Variants in MITF observed in about 807,000 individuals in gnomAD.
The protein encoded by MITF is melanocyte inducing transcription factor.
MITF carries 17 observed loss-of-function variants against 60.5 expected under a neutral mutation model. The observed-to-expected ratio is 0.28, with a 90% CI of 0.19 to 0.42. The LOEUF (loss-of-function observed/expected upper bound fraction) is 0.42. MITF is among the 10% of genes least tolerant of loss of function. MITF has a pLI of 1.00. For missense variants in MITF, 622 were observed against 683.5 expected (o/e 0.91, Z 1.00); for synonymous variants, 260 against 248.5 (o/e 1.05, Z -0.43).
At chr3:69,953,670 G>T (rs930389177) in intron 7 of MITF, among the ~76,000 whole-genome samples, 254 of 143,148 alleles carry the variant, frequency 1.8e-3, no homozygotes, top group Middle Eastern at 7.4e-3. Flanking sequence ...TATAGAGAGA[G>T]AGAGAGAGAG....
At chr3:69,814,384 A>T (rs1252637626) in intron 1 of MITF, among the ~76,000 whole-genome samples, 1 of 152,120 alleles carries the variant, frequency 6.6e-6, no homozygotes, top group Non-Finnish European at 1.5e-5. Flanking sequence ...GACGGCGTGC[A>T]GTGGTGTAAT....
At chr3:69,903,711 T>C (rs1233929940) in intron 2 of MITF, among the ~76,000 whole-genome samples, 1 of 152,150 alleles carries the variant, frequency 6.6e-6, no homozygotes, top group East Asian at 1.9e-4. Flanking sequence ...TCTTTTCCAG[T>C]ATCTACTGGA....
chr3:69,925,936 C>T (rs1190666990), intron 2 of MITF, among the ~76,000 whole-genome samples: 3 of 152,004 alleles, frequency 2.0e-5, no homozygotes, highest in Non-Finnish European at 4.4e-5. Context: ...TTTGTTGGTT[C>T]ATTACTCTGT....
intron 9 of MITF, among the ~76,000 whole-genome samples, chr3:69,961,730 A>G (rs930383283): frequency 7.9e-5 from 12 of 152,218 alleles, no homozygotes; most frequent in East Asian, 1.9e-4. Flanking sequence ...GTCTCAAAAA[A>G]CAAACAAAAA....
intron 1 of MITF, among the ~76,000 whole-genome samples, chr3:69,829,855 A>G (rs2063417721): frequency 6.6e-6 from 1 of 152,148 alleles, no homozygotes; most frequent in South Asian, 2.1e-4. Flanking sequence ...GACCTCCCTT[A>G]GGGCCAGTGA....
intron 1 of MITF, among the ~76,000 whole-genome samples, chr3:69,757,228 A>C (rs1372591609): frequency 6.6e-6 from 1 of 152,164 alleles, no homozygotes; most frequent in Non-Finnish European, 1.5e-5. Context: ...TTCTATCAGA[A>C]TCCATATATA....
chr3:69,931,715 T>C (rs1327874823), intron 2 of MITF, among the ~76,000 whole-genome samples: 1 of 152,180 alleles, frequency 6.6e-6, no homozygotes, highest in African/African-American at 2.4e-5. Flanking sequence ...TGTATATATA[T>C]TTATTTGTGC....
chr3:69,816,694 G>A (rs900574011), intron 1 of MITF, among the ~76,000 whole-genome samples: 1 of 152,116 alleles, frequency 6.6e-6, no homozygotes, highest in Non-Finnish European at 1.5e-5. Flanking sequence ...TTGTAAAATG[G>A]GCATGGTAGT....
At chr3:69,893,553 G>A (rs1396695203) in intron 2 of MITF, among the ~76,000 whole-genome samples, 1 of 152,120 alleles carries the variant, frequency 6.6e-6, no homozygotes, top group African/African-American at 2.4e-5. Flanking sequence ...GCTGATCACT[G>A]TCATCAGCAT....
intron 1 of MITF, among the ~76,000 whole-genome samples, chr3:69,865,456 T>C (rs1307918751): frequency 6.6e-6 from 1 of 152,204 alleles, no homozygotes; most frequent in African/African-American, 2.4e-5. Context: ...TATTTGATAA[T>C]ATTGATGTTG....
At chr3:69,914,641 A>T (rs1229999215) in intron 2 of MITF, among the ~76,000 whole-genome samples, 1 of 152,140 alleles carries the variant, frequency 6.6e-6, no homozygotes, top group Non-Finnish European at 1.5e-5. Flanking sequence ...CACTGGGCTG[A>T]TGTCATCATT....
intron 1 of MITF, among the ~76,000 whole-genome samples, chr3:69,836,608 A>G (rs1187876314): frequency 2.0e-5 from 3 of 152,198 alleles, no homozygotes; most frequent in Non-Finnish European, 4.4e-5. Flanking sequence ...TTATTATTTT[A>G]TAGATATGAT....
chr3:69,953,658 TATATAG>T (rs1289706831), intron 7 of MITF, among the ~76,000 whole-genome samples: 3 of 137,632 alleles, frequency 2.2e-5, no homozygotes, highest in African/African-American at 7.9e-5. Context: ...TATATATATA[TATATAG>T]AGAGAGAGAG....
intron 6 of MITF, among the ~76,000 whole-genome samples, chr3:69,951,403 C>T (rs889163554): frequency 4.6e-5 from 7 of 151,910 alleles, no homozygotes; most frequent in Non-Finnish European, 1.0e-4. Context: ...TATATCAGCA[C>T]GTTACACAGG....
chr3:69,906,313 T>C (rs549732093), intron 2 of MITF, among the ~76,000 whole-genome samples: 1 of 152,296 alleles, frequency 6.6e-6, no homozygotes, highest in African/African-American at 2.4e-5. Flanking sequence ...CTGTTTTTCT[T>C]CCTTGACACC....
intron 1 of MITF, among the ~76,000 whole-genome samples, chr3:69,787,910 T>A (rs192089716): frequency 6.6e-6 from 1 of 152,342 alleles, no homozygotes; most frequent in Non-Finnish European, 1.5e-5. Context: ...GCTGACTGTG[T>A]GCTGGGTAAG....
At chr3:69,871,186 A>G (rs2064229449) in intron 1 of MITF, among the ~76,000 whole-genome samples, 1 of 152,208 alleles carries the variant, frequency 6.6e-6, no homozygotes, top group Admixed American at 6.5e-5. Flanking sequence ...CTTCTCGGAT[A>G]GATCCAGGAA....
intron 1 of MITF, among the ~76,000 whole-genome samples, chr3:69,748,472 C>T (rs1005849967): frequency 1.3e-5 from 2 of 152,146 alleles, no homozygotes; most frequent in Non-Finnish European, 2.9e-5. Flanking sequence ...AACCCTTGAC[C>T]TCATGTGATC....
At chr3:69,806,351 G>T (rs1382757422) in intron 1 of MITF, among the ~76,000 whole-genome samples, 1 of 152,032 alleles carries the variant, frequency 6.6e-6, no homozygotes, top group East Asian at 1.9e-4. Context: ...CTCCCAAAGT[G>T]CTGGGATTAC....
Sources: allele counts gnomAD v4.1 joint callset (sites outside exome capture counted in the v4.1 genomes callset), GRCh38; gene constraint gnomAD v4.1.1; transcripts MANE v1.5; gene names NCBI Gene and HGNC (gene_info 2026-07-23, HGNC 2026-07-21).